CCDC171: variants seen among roughly 807,000 people sequenced by gnomAD.
The protein encoded by CCDC171 is coiled-coil domain-containing protein 171.
CCDC171 carries 177 observed loss-of-function variants against 168.2 expected under a neutral mutation model. The ratio of observed to expected loss-of-function variants is 1.05; its 90% CI spans 0.93 to 1.19. The LOEUF is 1.19. Among genes scored for constraint, CCDC171 ranks in the 50% most tolerant of loss-of-function variants. The pLI is 0.00. For synonymous variants in CCDC171, 687 were observed against 540.8 expected (o/e 1.27, Z -3.75); for missense variants, 1,991 against 1,539.0 (o/e 1.29, Z -4.91).
rs140401553 is a variant in CCDC171, at chr9:15,992,673, A to G, written n.369-27916A>G. On this transcript the variant is annotated intron_variant and non_coding_transcript_variant, in intron 3 of 9. Coordinates refer to the CCDC171 transcript ENST00000486641. ...CAAATTGTCCTTGTTTGCAGATGAC[A>G]TGATTGTATATCTAGAAAACCCCAT... is the stretch of plus-strand genomic sequence containing the variant. Among the ~76,000 whole-genome samples, 180 of 152,322 alleles carry G rather than the reference A, an allele frequency of 1.2e-3. 4 individuals carry two copies. The East Asian group carries it at 0.032, about 27-fold the overall frequency.
chr9:15,597,157 C>A (rs2042435493), intron 6 of CCDC171, among the ~76,000 whole-genome samples: 1 of 151,906 alleles, frequency 6.6e-6, no homozygotes, highest in African/African-American at 2.4e-5. Context: ...TGCCCGATTG[C>A]CCTGGCCAGA....
intron 6 of CCDC171, among the ~76,000 whole-genome samples, chr9:15,620,868 C>G (rs1210805343): frequency 6.6e-6 from 1 of 152,176 alleles, no homozygotes; most frequent in Non-Finnish European, 1.5e-5. Context: ...CAGTCATCAA[C>G]AAACATTGAG....
intron 24 of CCDC171, among the ~76,000 whole-genome samples, chr9:15,908,439 G>C (rs1338483427): frequency 6.6e-6 from 1 of 151,516 alleles, no homozygotes; most frequent in African/African-American, 2.4e-5. Context: ...CTCACTCATA[G>C]GTGGGAATTG....
At chr9:15,614,019 G>A (rs2043904570) in intron 6 of CCDC171, among the ~76,000 whole-genome samples, 1 of 152,160 alleles carries the variant, frequency 6.6e-6, no homozygotes, top group East Asian at 1.9e-4. Flanking sequence ...AAGTCTTCTA[G>A]CCTTTGCTGA....
At chr9:15,560,949 G>C (rs2039251259) in intron 1 of CCDC171, among the ~76,000 whole-genome samples, 1 of 152,128 alleles carries the variant, frequency 6.6e-6, no homozygotes, top group South Asian at 2.1e-4. Context: ...CTAACAGTCA[G>C]GACCCTCAGC....
intron 21 of CCDC171, among the ~76,000 whole-genome samples, chr9:15,785,160 CAT>C (rs2057875918): frequency 6.6e-6 from 1 of 151,914 alleles, no homozygotes. Flanking sequence ...TTCTCTCTGT[CAT>C]ATATTTGTGG....
At chr9:15,716,591 A>G (rs549785208) in intron 11 of CCDC171, among the ~76,000 whole-genome samples, 1 of 152,228 alleles carries the variant, frequency 6.6e-6, no homozygotes, top group Non-Finnish European at 1.5e-5. Flanking sequence ...CTGGGTAATT[A>G]ATAAAGAAAG....
At chr9:16,035,717 C>G (rs1242439295) in intron 7 of CCDC171, among the ~76,000 whole-genome samples, 1 of 152,200 alleles carries the variant, frequency 6.6e-6, no homozygotes, top group African/African-American at 2.4e-5. Flanking sequence ...CCTGCTGCCT[C>G]TATGTGTTTC....
At chr9:15,782,370 C>T (rs771511259) in intron 20 of CCDC171, among the ~76,000 whole-genome samples, 8 of 152,172 alleles carry the variant, frequency 5.3e-5, no homozygotes, top group Admixed American at 4.6e-4. Flanking sequence ...CTTTCTTATT[C>T]TGCGTTGCTA....
chr9:15,856,562 T>C (rs1325867500), intron 23 of CCDC171, among the ~76,000 whole-genome samples: 1 of 152,036 alleles, frequency 6.6e-6, no homozygotes, highest in Non-Finnish European at 1.5e-5. Flanking sequence ...CTGAGTAATA[T>C]TTTATTGTAT....
chr9:16,071,885 C>T, the CCDC171 span, among the ~76,000 whole-genome samples: 3 of 152,070 alleles, frequency 2.0e-5, no homozygotes, highest in Non-Finnish European at 4.4e-5. Context: ...ACTGACCCAA[C>T]CCCATAACCC....
intron 18 of CCDC171, among the ~76,000 whole-genome samples, chr9:15,765,641 G>T (rs2056681243): frequency 6.6e-6 from 1 of 152,128 alleles, no homozygotes. Context: ...AGAAGATATT[G>T]GTTATTTGAG....
At chr9:15,950,168 C>T (rs889326439) in intron 25 of CCDC171, among the ~76,000 whole-genome samples, 35 of 151,986 alleles carry the variant, frequency 2.3e-4, no homozygotes, top group African/African-American at 6.3e-4. Flanking sequence ...CTGAAAGTGA[C>T]GGGGAGAATG....
the CCDC171 span, among the ~76,000 whole-genome samples, chr9:16,080,495 CA>C: frequency 6.6e-6 from 1 of 152,200 alleles, no homozygotes; most frequent in Non-Finnish European, 1.5e-5. Context: ...ATGCTCAGCT[CA>C]AAAGGCCATG....
At chr9:15,856,163 T>A (rs1052999444) in intron 23 of CCDC171, among the ~76,000 whole-genome samples, 16 of 151,924 alleles carry the variant, frequency 1.1e-4, no homozygotes, top group South Asian at 2.1e-4. Flanking sequence ...TTAGAAAAAA[T>A]TTTAATTTTA....
chr9:16,048,266 A>C (rs1458948734), intron 1 of CCDC171, among the ~76,000 whole-genome samples: 1 of 151,982 alleles, frequency 6.6e-6, no homozygotes, highest in Non-Finnish European at 1.5e-5. Context: ...AAACGTGTAG[A>C]GCTCTTAGTT....
chr9:15,623,506 CATA>C, intron 7 of CCDC171, 93 bp downstream of exon 7: 70 of 656,186 alleles, frequency 1.1e-4, no homozygotes, highest in Admixed American at 3.9e-4. Flanking sequence ...CACACACACA[CATA>C]AAACCCATTC....
At chr9:15,622,792 A>G (rs1186400590) in intron 6 of CCDC171, among the ~76,000 whole-genome samples, 1 of 152,222 alleles carries the variant, frequency 6.6e-6, no homozygotes, top group Non-Finnish European at 1.5e-5. Flanking sequence ...AAACACAGCC[A>G]TCTAGTGGAT....
intron 23 of CCDC171, among the ~76,000 whole-genome samples, chr9:15,862,177 A>AT (rs1021464009): frequency 4.4e-4 from 17 of 38,752 alleles, no homozygotes; most frequent in Admixed American, 2.7e-3. Flanking sequence ...CTTTTTTTGA[A>AT]TTAAAAAAAG....
Sources: allele counts gnomAD v4.1 joint callset (sites outside exome capture counted in the v4.1 genomes callset), GRCh38; gene constraint gnomAD v4.1.1; transcripts MANE v1.5; gene names NCBI Gene and HGNC (gene_info 2026-07-23, HGNC 2026-07-21).